Variants in CLYBL observed in about 807,000 individuals in gnomAD.
CLYBL encodes citramalyl-CoA lyase.
A neutral mutation model predicts 38.9 loss-of-function variants in CLYBL; 31 were observed. That is an observed-to-expected ratio of 0.80 (90% CI 0.60 to 1.08). CLYBL has a LOEUF of 1.08. CLYBL is among the 50% of genes least tolerant of loss of function. The pLI, the probability that CLYBL is intolerant of heterozygous loss-of-function variation, is 0.00. For synonymous variants in CLYBL, 171 were observed against 158.6 expected, an observed-to-expected ratio of 1.08 and a Z score of -0.59; for missense variants, 434 against 411.6, an observed-to-expected ratio of 1.05 and a Z score of -0.47.
chr13:99,731,037 C>T (rs566907295), intron 1 of CLYBL, among the ~76,000 whole-genome samples: 2 of 134,700 alleles, frequency 1.5e-5, no homozygotes, highest in African/African-American at 2.8e-5. Context: ...GAGCCGAGAT[C>T]GTGCCACTGC....
At chr13:99,820,153 A>T (rs747382430) in intron 2 of CLYBL, among the ~76,000 whole-genome samples, 1 of 151,844 alleles carries the variant, frequency 6.6e-6, no homozygotes, top group Non-Finnish European at 1.5e-5. Context: ...TTAGCATAGG[A>T]TGAGGGAGCT....
At chr13:99,880,866 T>C (rs2052187718) in intron 7 of CLYBL, among the ~76,000 whole-genome samples, 1 of 152,234 alleles carries the variant, frequency 6.6e-6, no homozygotes, top group African/African-American at 2.4e-5. Context: ...TTCTTCAGGC[T>C]TCTGCACCTT....
chr13:99,829,330 G>A (rs183363382), intron 2 of CLYBL, among the ~76,000 whole-genome samples: 97 of 152,294 alleles, frequency 6.4e-4, no homozygotes, highest in African/African-American at 2.3e-3. Context: ...TCTGATGCAG[G>A]AAGAATGAAT....
chr13:99,654,446 C>T (rs906493851), intron 1 of CLYBL, among the ~76,000 whole-genome samples: 13 of 152,176 alleles, frequency 8.5e-5, no homozygotes, highest in Non-Finnish European at 1.6e-4. Flanking sequence ...AGCCCCAGTG[C>T]GGTAGGGTGG....
At chr13:99,880,070 T>TATA (rs1186082855) in intron 7 of CLYBL, among the ~76,000 whole-genome samples, 214 of 29,106 alleles carry the variant, frequency 7.4e-3, no homozygotes, top group African/African-American at 0.023. Context: ...ATATATATAT[T>TATA]TTTTTTTTTT....
intron 2 of CLYBL, among the ~76,000 whole-genome samples, chr13:99,842,059 C>G (rs2051096419): frequency 2.0e-5 from 3 of 152,122 alleles, no homozygotes; most frequent in Admixed American, 2.0e-4. Context: ...CTCAGGTGAT[C>G]TGCCCACCTT....
exon 10 of CLYBL, among the ~76,000 whole-genome samples, chr13:99,908,898 T>C (rs2052723260): frequency 6.6e-6 from 1 of 152,228 alleles, no homozygotes; most frequent in Non-Finnish European, 1.5e-5. Flanking sequence ...TTCTCCTTTA[T>C]ATTGTGTTAG....
chr13:99,802,742 C>T (rs1024572784), intron 2 of CLYBL, among the ~76,000 whole-genome samples: 3 of 152,180 alleles, frequency 2.0e-5, no homozygotes, highest in Non-Finnish European at 4.4e-5. Flanking sequence ...CTTGTGTGGT[C>T]TTCCCTCTGC....
rs543597111 is a variant in CLYBL, at chr13:99,699,692, C to CA, written c.63-73121dup. ...TGGGTGACAGACCAAGACTCCGTCTCAAAAAAAAAAATAAAAATAGGCCAG... is the reference window on the plus strand; with the variant it reads ...TGGGTGACAGACCAAGACTCCGTCTCAAAAAAAAAAAATAAAAATAGGCCAG... On this transcript the variant is annotated intron_variant, in intron 1 of 8. Transcript: ENST00000339105. Among the ~76,000 whole-genome samples the CA allele has an allele frequency of 2.5e-3, 268 of 108,496 alleles. 2 individuals carry two copies. Among genetic ancestry groups the CA allele is most frequent in the South Asian group, 4.3e-3 (15 of 3,526 alleles). The allele number at this position is 108,496 out of a possible 152,430, so 71.2% of individuals were successfully genotyped here. A position where few individuals can be genotyped will look rare whatever the true frequency, so the allele number is the denominator to read the frequency against.
At chr13:99,792,876 T>C (rs2049945734) in intron 2 of CLYBL, among the ~76,000 whole-genome samples, 1 of 151,940 alleles carries the variant, frequency 6.6e-6, no homozygotes, top group Non-Finnish European at 1.5e-5. Flanking sequence ...TTCAAAGTTA[T>C]TGGCTTATTA....
intron 7 of CLYBL, among the ~76,000 whole-genome samples, chr13:99,884,020 A>T (rs925271846): frequency 1.3e-5 from 2 of 152,020 alleles, no homozygotes; most frequent in Non-Finnish European, 2.9e-5. Context: ...TTTTTGTGAA[A>T]AGGTCTCACT....
intron 1 of CLYBL, among the ~76,000 whole-genome samples, chr13:99,630,339 A>G (rs1018496025): frequency 1.3e-5 from 2 of 152,208 alleles, no homozygotes; most frequent in African/African-American, 4.8e-5. Flanking sequence ...CTCATCATGC[A>G]AATAATATCT....
chr13:99,723,780 C>A (rs1341821307), intron 1 of CLYBL, among the ~76,000 whole-genome samples: 1 of 152,116 alleles, frequency 6.6e-6, no homozygotes, highest in African/African-American at 2.4e-5. Flanking sequence ...AAGTAAGAAA[C>A]AGAGGTGACA....
intron 1 of CLYBL, among the ~76,000 whole-genome samples, chr13:99,736,673 G>A (rs900897062): frequency 6.6e-6 from 1 of 152,084 alleles, no homozygotes; most frequent in Non-Finnish European, 1.5e-5. Context: ...CTCCCAGAAT[G>A]CATCTTTGAC....
At chr13:99,644,649 AG>A (rs748491259) in intron 1 of CLYBL, among the ~76,000 whole-genome samples, 5 of 152,120 alleles carry the variant, frequency 3.3e-5, no homozygotes, top group Non-Finnish European at 2.9e-5. Flanking sequence ...AACCATCCCC[AG>A]TTTCCTTCCT....
rs140783818 is a variant in CLYBL, at chr13:99,884,921, TAAAGAA to T, written c.928-6391_928-6386del. On this transcript the variant is annotated intron_variant, in intron 7 of 8. Transcript: ENST00000339105. ...CAGTCCCTTCCCTAAGGTCCCAAAT[TAAAGAA>T]AAAGAGTGACCCAAATCACCAACTA... 364 of 468,628 alleles carry T rather than the reference TAAAGAA, an allele frequency of 7.8e-4. 2 individuals carry two copies. The highest frequency in any genetic ancestry group is 6.1e-3 in the African/African-American group (304 of 50,142). The allele number at this position is 468,628 out of a possible 1,614,324, so 29.0% of individuals were successfully genotyped here.
In CLYBL at chr13:99,610,446, ATTG is replaced by A. The variant is rs370128277; in HGVS notation, c.62+3701_62+3703del. The stretch of plus-strand genomic sequence containing the variant: ...AGATTTCTCCCTTTTGCCAGGGTTT[ATTG>A]TTGTTGTTGTTTGCTTAGTGACTTT... On this transcript the variant is annotated intron_variant, in intron 1 of 8. Coordinates refer to ENST00000339105, the MANE Select transcript of CLYBL (RefSeq NM_206808.5). Among the ~76,000 whole-genome samples, 321 of 152,200 alleles carry A rather than the reference ATTG, an allele frequency of 2.1e-3. 1 individual carries two copies. The highest frequency in any genetic ancestry group is 6.9e-3 in the African/African-American group (287 of 41,530).
chr13:99,728,331 T>C (rs1594143039), intron 1 of CLYBL, among the ~76,000 whole-genome samples: 1 of 149,876 alleles, frequency 6.7e-6, no homozygotes, highest in Non-Finnish European at 1.5e-5. Context: ...CAGGCTGGAG[T>C]GCAGTGGCAC....
At chr13:99,724,121 A>C (rs1246626256) in intron 1 of CLYBL, among the ~76,000 whole-genome samples, 1 of 152,116 alleles carries the variant, frequency 6.6e-6, no homozygotes, top group African/African-American at 2.4e-5. Context: ...ATGAGGGAAC[A>C]GTTGTGCCCT....
Sources: allele counts gnomAD v4.1 joint callset (sites outside exome capture counted in the v4.1 genomes callset), GRCh38; gene constraint gnomAD v4.1.1; transcripts MANE v1.5; gene names NCBI Gene and HGNC (gene_info 2026-07-23, HGNC 2026-07-21).